The following IFT80 variants were observed in gnomAD, a reference collection of about 807,000 sequenced individuals.
IFT80 encodes the protein intraflagellar transport protein 80 homolog.
Under a neutral mutation model 107.9 loss-of-function variants are expected in IFT80, and 79 were observed. The observed-to-expected ratio is 0.73, with a 90% CI of 0.61 to 0.88. IFT80 has a LOEUF of 0.88. Among genes scored for constraint, IFT80 ranks in the 40% least tolerant of loss-of-function variants. IFT80 has a pLI of 0.00. For missense variants in IFT80, 797 were observed against 914.2 expected (o/e 0.87, Z 1.65); for synonymous variants, 299 against 300.9 (o/e 0.99, Z 0.07).
intron 1 of IFT80, among the ~76,000 whole-genome samples, chr3:160,387,509 A>G (rs1479927484): frequency 1.3e-5 from 2 of 152,228 alleles, no homozygotes; most frequent in Non-Finnish European, 2.9e-5. Flanking sequence ...GTCTCAAAAA[A>G]CAAAAAAGAA....
chr3:160,375,890 G>GAA lies in IFT80; in HGVS notation c.371-12_371-11dup. 6.4e-7 allele frequency: 1 copy of GAA among 1,558,934 alleles called. No homozygotes were observed. The highest frequency in any genetic ancestry group is 8.8e-7 in the Non-Finnish European group (1 of 1,136,332). The stretch of plus-strand genomic sequence containing the variant: ...TGTCCATCTTCTCCAACTATACAGG[G>GAA]AAAAAAAAATTAATCAGTATTTTTA... On this transcript the variant is annotated splice_polypyrimidine_tract_variant and intron_variant, in intron 4 of 19. Coordinates refer to ENST00000326448, the MANE Select transcript of IFT80 (RefSeq NM_020800.3).
intron 8 of IFT80, among the ~76,000 whole-genome samples, chr3:160,324,921 CT>C (rs1718569940): frequency 6.6e-6 from 1 of 151,102 alleles, no homozygotes; most frequent in Non-Finnish European, 1.5e-5. Context: ...TGATAAGCAA[CT>C]TCAGCAAAGT....
At chr3:160,374,531 G>A (rs1158487313) in intron 5 of IFT80, among the ~76,000 whole-genome samples, 1 of 152,156 alleles carries the variant, frequency 6.6e-6, no homozygotes, top group East Asian at 1.9e-4. Flanking sequence ...ATAGAAGAAA[G>A]AGAAAAGAAA....
intron 8 of IFT80, 146 bp from the exon 9 acceptor site, chr3:160,320,085 G>A: frequency 3.1e-6 from 2 of 635,636 alleles, no homozygotes; most frequent in Non-Finnish European, 5.4e-6. Context: ...AAATTATAGT[G>A]TACTGAATGG....
intron 8 of IFT80, among the ~76,000 whole-genome samples, chr3:160,322,371 T>C (rs1384319184): frequency 2.0e-5 from 3 of 151,902 alleles, no homozygotes; most frequent in Non-Finnish European, 4.4e-5. Context: ...GAACTCATCA[T>C]TTTTTATGGC....
At chr3:160,264,287 T>C (rs1356378429) in intron 19 of IFT80, among the ~76,000 whole-genome samples, 2 of 150,782 alleles carry the variant, frequency 1.3e-5, no homozygotes, top group African/African-American at 2.4e-5. Flanking sequence ...TTTTTTTTTT[T>C]GGTAGAGACA....
intron 19 of IFT80, among the ~76,000 whole-genome samples, chr3:160,263,700 G>A (rs1410872327): frequency 7.2e-5 from 11 of 151,790 alleles, no homozygotes; most frequent in Admixed American, 5.9e-4. Context: ...TTGTGGGGAC[G>A]GAGTCTCACT....
chr3:160,280,617 A>G lies in IFT80; in HGVS notation c.1664+50T>C, dbSNP rs375597309. 13 of 1,488,426 alleles carry G rather than the reference A, an allele frequency of 8.7e-6. No homozygotes were observed. The African/African-American group carries it at 1.5e-4, about 17-fold the overall frequency. 92.2% of individuals were successfully genotyped at this position (1,488,426 alleles called of 1,614,324 possible). ...AATAGAAGCCAAAACATGATACTCT[A>G]TTAGAGTTTTATTTACTACAAAACA... On this transcript the variant is annotated intron_variant, in intron 15 of 19. Transcript: ENST00000326448.
intron 12 of IFT80, among the ~76,000 whole-genome samples, chr3:160,288,587 G>A (rs1306637748): frequency 6.6e-6 from 1 of 152,084 alleles, no homozygotes; most frequent in African/African-American, 2.4e-5. Context: ...TGCAAACTGT[G>A]CATCTGACAA....
intron 12 of IFT80, among the ~76,000 whole-genome samples, chr3:160,297,734 T>C (rs1716096052): frequency 6.6e-6 from 1 of 152,122 alleles, no homozygotes; most frequent in Non-Finnish European, 1.5e-5. Flanking sequence ...TCCTATTATT[T>C]TCATAGCTAT....
intron 12 of IFT80, among the ~76,000 whole-genome samples, chr3:160,288,845 T>C (rs1006719471): frequency 4.6e-5 from 7 of 151,466 alleles, no homozygotes; most frequent in African/African-American, 7.3e-5. Context: ...GGGAATAGTT[T>C]TACACTGTTG....
intron 8 of IFT80, among the ~76,000 whole-genome samples, chr3:160,334,560 G>A (rs1454664047): frequency 6.6e-6 from 1 of 152,068 alleles, no homozygotes; most frequent in Non-Finnish European, 1.5e-5. Context: ...GGGACTACAG[G>A]CACCTGCCAG....
chr3:160,315,053 AAGGG>A (rs3043631), intron 9 of IFT80, among the ~76,000 whole-genome samples: 3,453 of 45,274 alleles, frequency 0.076, 196 homozygotes, highest in African/African-American at 0.14. Flanking sequence ...AAAAAGAAGG[AAGGG>A]AGGGAGGGAG....
chr3:160,385,376 A>T (rs16831206), intron 1 of IFT80, among the ~76,000 whole-genome samples: 2 of 152,230 alleles, frequency 1.3e-5, no homozygotes, highest in African/African-American at 4.8e-5. Context: ...TCCGATTTAC[A>T]TTTACAGAAT....
At chr3:160,269,135 G>A (rs1370670260) in intron 18 of IFT80, among the ~76,000 whole-genome samples, 2 of 151,808 alleles carry the variant, frequency 1.3e-5, no homozygotes, top group African/African-American at 2.4e-5. Flanking sequence ...AGGCTGAGGC[G>A]GGAGAATCGC....
chr3:160,376,375 G>C (rs754711296), intron 4 of IFT80, among the ~76,000 whole-genome samples: 85 of 152,200 alleles, frequency 5.6e-4, no homozygotes, highest in Non-Finnish European at 9.0e-4. Context: ...TTTGTTAAGA[G>C]AGGGATTTCT....
intron 10 of IFT80, among the ~76,000 whole-genome samples, chr3:160,304,434 TC>T (rs1266739297): frequency 6.8e-6 from 1 of 146,756 alleles, no homozygotes; most frequent in Non-Finnish European, 1.5e-5. Flanking sequence ...CTTGATTTTT[TC>T]TTTTTTTTTT....
chr3:160,343,060 A>G (rs909062975), intron 8 of IFT80: 1 of 152,160 alleles, frequency 6.6e-6, no homozygotes, highest in Admixed American at 6.6e-5. Flanking sequence ...CTTGGGGGGA[A>G]AAAAAGCATA....
At chr3:160,355,921 T>C (rs766544431) in intron 8 of IFT80, 92 bp downstream of exon 8, 9 of 1,423,278 alleles carry the variant, frequency 6.3e-6, no homozygotes, top group Non-Finnish European at 8.9e-6. Flanking sequence ...ATGCATCCAT[T>C]GAAAATGTTT....
Sources: allele counts gnomAD v4.1 joint callset (sites outside exome capture counted in the v4.1 genomes callset), GRCh38; gene constraint gnomAD v4.1.1; transcripts MANE v1.5; gene names NCBI Gene and HGNC (gene_info 2026-07-23, HGNC 2026-07-21).